The following DCC variants were observed in gnomAD, a reference collection of about 807,000 sequenced individuals.
DCC encodes the protein netrin receptor DCC.
DCC carries 58 observed loss-of-function variants against 172.5 expected under a neutral mutation model. The observed-to-expected ratio is 0.34, with a 90% CI of 0.27 to 0.42. DCC has a LOEUF of 0.42. DCC is among the 10% of genes least tolerant of loss of function. The pLI is 1.00. For missense variants in DCC, 1,740 were observed against 1,791.0 expected (o/e 0.97, Z 0.51); for synonymous variants, 709 against 644.5 (o/e 1.10, Z -1.52).
intron 20 of DCC, among the ~76,000 whole-genome samples, chr18:53,413,945 C>T (rs1232462230): frequency 1.3e-5 from 2 of 152,140 alleles, no homozygotes; most frequent in Non-Finnish European, 2.9e-5. Context: ...GTTAGGATCT[C>T]AGTTCAAAAT....
chr18:53,394,856 C>T (rs1373092695), intron 17 of DCC, among the ~76,000 whole-genome samples: 8 of 152,192 alleles, frequency 5.3e-5, no homozygotes. Flanking sequence ...AAAACTAAGG[C>T]TCAGGCTGGG....
chr18:52,472,577 A>ATG (rs1185834718), intron 1 of DCC, among the ~76,000 whole-genome samples: 1 of 152,188 alleles, frequency 6.6e-6, no homozygotes, highest in Non-Finnish European at 1.5e-5. Context: ...ATCTAAATAT[A>ATG]TGTTCTCTCT....
chr18:52,614,874 C>T (rs531411705), intron 1 of DCC, among the ~76,000 whole-genome samples: 5 of 152,176 alleles, frequency 3.3e-5, no homozygotes, highest in African/African-American at 4.8e-5. Context: ...AACATAAAAA[C>T]GAACATTGGG....
chr18:52,585,910 C>T (rs574076812), intron 1 of DCC, among the ~76,000 whole-genome samples: 9 of 151,956 alleles, frequency 5.9e-5, no homozygotes, highest in African/African-American at 1.4e-4. Context: ...GGTGAAACCC[C>T]GTCTCTACTA....
chr18:52,415,974 A>C (rs370532359), intron 1 of DCC, among the ~76,000 whole-genome samples: 1 of 151,690 alleles, frequency 6.6e-6, no homozygotes, highest in African/African-American at 2.4e-5. Context: ...TAGGGTGTCA[A>C]TTTTGGATCT....
At chr18:53,517,449 A>G (rs1353906420) in intron 27 of DCC, among the ~76,000 whole-genome samples, 1 of 140,838 alleles carries the variant, frequency 7.1e-6, no homozygotes, top group African/African-American at 2.8e-5. Flanking sequence ...AAAATATAAT[A>G]ATAATAATAA....
intron 2 of DCC, among the ~76,000 whole-genome samples, chr18:52,871,476 G>A (rs1353590991): frequency 6.6e-6 from 1 of 151,974 alleles, no homozygotes; most frequent in Non-Finnish European, 1.5e-5. Context: ...TTTTCCTTTA[G>A]AGATGGAATC....
chr18:53,273,272 C>T (rs1387069090), intron 12 of DCC, among the ~76,000 whole-genome samples: 1 of 151,954 alleles, frequency 6.6e-6, no homozygotes, highest in Non-Finnish European at 1.5e-5. Context: ...TATACATGAG[C>T]CTCTGAATTT....
chr18:53,518,431 G>C (rs2046363130), intron 27 of DCC, among the ~76,000 whole-genome samples: 1 of 152,108 alleles, frequency 6.6e-6, no homozygotes, highest in South Asian at 2.1e-4. Flanking sequence ...TTTTACATGG[G>C]AAAACCTTCT....
At chr18:52,777,441 T>G (rs1219115687) in intron 2 of DCC, among the ~76,000 whole-genome samples, 1 of 152,034 alleles carries the variant, frequency 6.6e-6, no homozygotes, top group Non-Finnish European at 1.5e-5. Context: ...TGTCTTCCCC[T>G]CTGTATGTCC....
At chr18:53,073,887 C>T (rs2042688752) in intron 7 of DCC, among the ~76,000 whole-genome samples, 2 of 150,774 alleles carry the variant, frequency 1.3e-5, no homozygotes, top group Admixed American at 6.6e-5. Context: ...AAGGAATATA[C>T]TAATAAAATT....
At chr18:52,742,479 C>G (rs538826451) in intron 1 of DCC, among the ~76,000 whole-genome samples, 1 of 152,078 alleles carries the variant, frequency 6.6e-6, no homozygotes, top group Non-Finnish European at 1.5e-5. Context: ...GCTGTTTGTT[C>G]CCAGCCTTGA....
chr18:52,954,905 C>G (rs575779168), intron 5 of DCC, among the ~76,000 whole-genome samples: 5 of 152,058 alleles, frequency 3.3e-5, no homozygotes, highest in Admixed American at 3.3e-4. Flanking sequence ...GTAAACTTTA[C>G]GAACAGGTTT....
At chr18:53,093,582 C>T (rs1227883286) in intron 7 of DCC, among the ~76,000 whole-genome samples, 1 of 152,142 alleles carries the variant, frequency 6.6e-6, no homozygotes, top group African/African-American at 2.4e-5. Flanking sequence ...ATCTATCTGA[C>T]CTTATTAATG....
intron 1 of DCC, among the ~76,000 whole-genome samples, chr18:52,536,806 C>A (rs2032303056): frequency 1.3e-5 from 2 of 152,034 alleles, no homozygotes; most frequent in Admixed American, 6.6e-5. Context: ...TATTTTTATG[C>A]AAGAAGCTTA....
chr18:52,870,367 C>A (rs957553973), intron 2 of DCC, among the ~76,000 whole-genome samples: 1 of 152,152 alleles, frequency 6.6e-6, no homozygotes, highest in East Asian at 1.9e-4. Flanking sequence ...CACCACCACT[C>A]GCACCTTCCC....
chr18:53,464,181 C>A (rs2045591238), intron 24 of DCC, among the ~76,000 whole-genome samples: 1 of 152,154 alleles, frequency 6.6e-6, no homozygotes, highest in African/African-American at 2.4e-5. Context: ...CTAGGACTTA[C>A]AAATAGAATT....
intron 4 of DCC, 38 bp from the exon 5 acceptor site, chr18:52,925,194 CAT>C (rs752815202): frequency 1.9e-6 from 3 of 1,591,536 alleles, no homozygotes; most frequent in Non-Finnish European, 2.6e-6. Context: ...TTAATATATA[CAT>C]ATGTTAATTT....
chr18:52,704,412 A>G (rs1599033072), intron 1 of DCC, among the ~76,000 whole-genome samples: 1 of 152,354 alleles, frequency 6.6e-6, no homozygotes, highest in Middle Eastern at 3.4e-3. Context: ...TTCAAAAGCA[A>G]TCACTGTAAT....
Sources: gnomAD v4.1 joint callset for allele counts (sites outside exome capture counted in the v4.1 genomes callset) on GRCh38, gnomAD v4.1.1 for gene constraint, MANE v1.5 for transcripts, NCBI Gene and HGNC (gene_info 2026-07-23, HGNC 2026-07-21) for gene names.